The following BMS1 variants were observed in gnomAD, a reference collection of about 807,000 sequenced individuals.
The protein encoded by BMS1 is ribosome biogenesis protein BMS1 homolog.
Under a neutral mutation model 138.7 loss-of-function variants are expected in BMS1, and 53 were observed. The observed-to-expected ratio is 0.38, with a 90% CI of 0.31 to 0.48. The LOEUF (loss-of-function observed/expected upper bound fraction) is 0.48, where lower values mean the gene tolerates loss of function less well. Among genes scored for constraint, BMS1 ranks in the 20% least tolerant of loss-of-function variants. The pLI is 0.97. For missense variants in BMS1, 1,360 were observed against 1,565.5 expected, an observed-to-expected ratio of 0.87 and a Z score of 2.22; for synonymous variants, 504 against 539.9, an observed-to-expected ratio of 0.93 and a Z score of 0.92.
chr10:42,797,274 C>G, intron 10 of BMS1, 43 bp downstream of exon 10: 1 of 1,579,564 alleles, frequency 6.3e-7, no homozygotes, highest in Non-Finnish European at 8.6e-7. Context: ...ACTTGGCTCT[C>G]GAAATGGTAA....
Position 42,796,704 on chromosome 10 carries a change from A to G in BMS1, c.1460A>G (p.Lys487Arg). 6.2e-7 allele frequency: 1 copy of G among 1,614,200 alleles called. No homozygotes were observed. The highest frequency in any genetic ancestry group is 8.5e-7 in the Non-Finnish European group (1 of 1,180,036). Reference protein sequence around the residue: ...YMAVKGIKRRKLELEEDSEMD... With the variant: ...YMAVKGIKRRRLELEEDSEMD... ...GCTGTTAAGGGCATCAAACGACGGA[A>G]ACTTGAGTTGGAAGAAGACAGTGAA... Residue 487 changes from lysine (K) to arginine (R), a missense_variant, in exon 10 of 23, where the codon AAA becomes AGA. Lys to Arg is a conservative substitution (Grantham distance 26). Coordinates refer to ENST00000374518, the MANE Select transcript of BMS1 (RefSeq NM_014753.4).
intron 8 of BMS1, 49 bp downstream of exon 8, chr10:42,793,193 G>T: frequency 1.3e-6 from 2 of 1,501,032 alleles, no homozygotes; most frequent in Non-Finnish European, 1.8e-6. Flanking sequence ...TATTCTTTCT[G>T]AATCTATTTT....
chr10:42,794,029 T>G (rs764084217), intron 9 of BMS1, 38 bp downstream of exon 9: 3 of 1,599,328 alleles, frequency 1.9e-6, no homozygotes, highest in Non-Finnish European at 2.6e-6. Context: ...TAAAAAGATG[T>G]ATTACAAAAG....
rs768989153 is a variant in BMS1 at position 42,796,865 on chromosome 10, A to G, written c.1621A>G (p.Lys541Glu). The G allele has an allele frequency of 6.2e-7, 1 of 1,614,234 alleles. No individual in the cohort carries two copies. Among genetic ancestry groups the G allele is most frequent in the Non-Finnish European group, 8.5e-7 (1 of 1,180,050 alleles). The change falls in exon 10 of 23, where the codon AAG becomes GAG. Residue 541 changes from lysine to glutamate, a missense_variant. Physicochemically the swap from Lys to Glu is moderately conservative, Grantham distance 56 (BLOSUM62 1). This residue lies in a region of BMS1 where 697 missense variants were observed against 686.2 expected (regional missense o/e 1.02). Coordinates refer to ENST00000374518, the MANE Select transcript of BMS1 (RefSeq NM_014753.4). ...AGGAGAGAAGGGCATTTCAGGATCA[A>G]AGGCTGCTGGAGAAGGTAGTAAAGC... ...TAGEKGISGS[K>E]AAGEGSKAGL...
Position 42,831,085 on chromosome 10 carries a change from C to A in BMS1, c.3838C>A (p.Gln1280Lys). The A allele has an allele frequency of 6.4e-7, 1 of 1,563,856 alleles. No homozygotes were observed. Among genetic ancestry groups the A allele is most frequent in the Non-Finnish European group, 8.7e-7 (1 of 1,153,186 alleles). Residue 1280 changes from glutamine to lysine, a missense_variant, in exon 23 of 23, where the codon CAA becomes AAA. By Grantham distance (53) the Gln-to-Lys change is moderately conservative. This residue lies in a region of BMS1 where 425 missense variants were observed against 568.3 expected (regional missense o/e 0.75). Coordinates refer to ENST00000374518, the MANE Select transcript of BMS1 (RefSeq NM_014753.4). ...QKSSLKGAEG[Q>K]LQ ...GTCCAGTTTGAAGGGGGCTGAGGGC[C>A]AATTGCAGTGAGCCTTTGGACTGGA...
intron 13 of BMS1, among the ~76,000 whole-genome samples, chr10:42,808,609 ATT>A (rs566904325): frequency 4.3e-4 from 65 of 152,044 alleles, no homozygotes; most frequent in African/African-American, 1.5e-3. Context: ...AAAAGTTTTT[ATT>A]TTTGATGAAA....
intron 21 of BMS1, 76 bp from the exon 22 acceptor site, chr10:42,830,185 G>A (rs1302009382): frequency 1.9e-6 from 3 of 1,548,678 alleles, no homozygotes; most frequent in East Asian, 2.3e-5. Flanking sequence ...AACCCATTGA[G>A]AAGATTTTAT....
chr10:42,816,510 G>A (rs1336817214), intron 13 of BMS1, 89 bp from the exon 14 acceptor site: 11 of 1,040,086 alleles, frequency 1.1e-5, no homozygotes, highest in East Asian at 4.9e-5. Context: ...GGCTTGGAAC[G>A]CAGAGCACAC....
At chr10:42,808,439 C>T (rs1842075521) in intron 13 of BMS1, among the ~76,000 whole-genome samples, 1 of 151,754 alleles carries the variant, frequency 6.6e-6, no homozygotes, top group African/African-American at 2.4e-5. Flanking sequence ...GCTGGGACTA[C>T]AGGCGCCCAC....
At chr10:42,825,143 G>T (rs1357661645) in intron 21 of BMS1, among the ~76,000 whole-genome samples, 1 of 152,080 alleles carries the variant, frequency 6.6e-6, no homozygotes, top group Non-Finnish European at 1.5e-5. Context: ...CAAGTAGCTG[G>T]GACTACAGGC....
At chr10:42,809,367 TAG>T (rs1262815955) in intron 13 of BMS1, among the ~76,000 whole-genome samples, 1 of 152,092 alleles carries the variant, frequency 6.6e-6, no homozygotes, top group Non-Finnish European at 1.5e-5. Context: ...GTAGAAAACA[TAG>T]AGACAGTGTT....
chr10:42,811,058 T>C (rs1220982463), intron 13 of BMS1, among the ~76,000 whole-genome samples: 7 of 152,168 alleles, frequency 4.6e-5, no homozygotes, highest in Admixed American at 4.6e-4. Context: ...TATTTTTTTT[T>C]TGAGACTGAG....
In BMS1 at chr10:42,798,606, A is replaced by G. The variant is rs757577616; in HGVS notation, c.2228A>G (p.His743Arg). The G allele has an allele frequency of 6.2e-7, 1 of 1,614,248 alleles. No individual in the cohort carries two copies. The highest frequency in any genetic ancestry group is 8.5e-7 in the Non-Finnish European group (1 of 1,180,034). The change falls in exon 12 of 23, where the codon CAT becomes CGT. Residue 743 changes from histidine to arginine, a missense_variant. Physicochemically the swap from His to Arg is conservative, Grantham distance 29. Coordinates refer to ENST00000374518, the MANE Select transcript of BMS1 (RefSeq NM_014753.4). ...DCSRFLVEAP[H>R]DWDLEEVMNS... ...TCCAGATTTCTTGTGGAGGCCCCCC[A>G]TGACTGGGATTTAGAGGAGGTAAGT...
intron 21 of BMS1, 49 bp downstream of exon 21, chr10:42,823,833 C>T: frequency 1.5e-6 from 2 of 1,368,498 alleles, no homozygotes; most frequent in Non-Finnish European, 1.9e-6. Flanking sequence ...GCTCTACAGA[C>T]AGGGAGTCAC....
At position 42,787,164 on chromosome 10, in the gene BMS1, A is replaced by G. The variant is rs761740448; in HGVS notation, c.368-4A>G. ...AAGTAAAATTTTCATCTTTTCACTT[A>G]TAGGTAAAAAGCGCAGACTCACCAT... On this transcript the variant is annotated splice_polypyrimidine_tract_variant and splice_region_variant and intron_variant, in intron 3 of 22. Coordinates refer to ENST00000374518, the MANE Select transcript of BMS1 (RefSeq NM_014753.4). 9.6e-6 allele frequency: 10 copies of G among 1,039,130 alleles called. No homozygotes were observed. The South Asian group carries it at 1.3e-4, about 13-fold the overall frequency. The allele number at this position is 1,039,130 out of a possible 1,614,324, so 64.4% of individuals were successfully genotyped here.
At position 42,820,201 on chromosome 10, in the gene BMS1, A is replaced by G. The variant is rs749515962; in HGVS notation, c.2581-35A>G. ...TAATCTTATGTTTATTACAGATAAC[A>G]GCATACAGGTTTTTTTATTCCCCAT... On this transcript the variant is annotated intron_variant, in intron 15 of 22. Transcript: ENST00000374518. 4 of 1,602,690 alleles carry G rather than the reference A, an allele frequency of 2.5e-6. No homozygotes were observed. In the South Asian group the frequency reaches 4.4e-5, roughly 18 times the overall value.
chr10:42,795,242 A>G (rs1203931617), intron 9 of BMS1, among the ~76,000 whole-genome samples: 1 of 152,098 alleles, frequency 6.6e-6, no homozygotes, highest in South Asian at 2.1e-4. Flanking sequence ...ATGTGTCTTT[A>G]TAGCAGCATG....
Position 42,790,393 on chromosome 10 carries a change from T to C in BMS1, c.518T>C (p.Val173Ala), listed in dbSNP as rs1425626871. The stretch of plus-strand genomic sequence containing the variant: ...TTTGAGTTTCTAAACATCTGTCAAG[T>C]ACATGGCTTTCCTAAAATTATGGGA... ...ETFEFLNICQVHGFPKIMGVL... is the reference protein window; with the variant it reads ...ETFEFLNICQAHGFPKIMGVL... The change falls in exon 5 of 23, where the codon GTA becomes GCA. Residue 173 changes from valine (V) to alanine (A), a missense_variant. By Grantham distance (64) the Val-to-Ala change is moderately conservative. Transcript: ENST00000374518. 6.2e-7 allele frequency: 1 copy of C among 1,613,912 alleles called. No homozygotes were observed. Among genetic ancestry groups the C allele is most frequent in the Non-Finnish European group, 8.5e-7 (1 of 1,179,830 alleles).
At chr10:42,811,235 G>T (rs1466170211) in intron 13 of BMS1, among the ~76,000 whole-genome samples, 1 of 151,774 alleles carries the variant, frequency 6.6e-6, no homozygotes, top group Admixed American at 6.6e-5. Context: ...TAGAGACAGG[G>T]TTTCTCCCTG....
Sources: gnomAD v4.1 joint callset for allele counts (sites outside exome capture counted in the v4.1 genomes callset) on GRCh38, gnomAD v4.1.1 for gene constraint, gnomAD v4.1.1 regional missense constraint, MANE v1.5 for transcripts, NCBI Gene and HGNC (gene_info 2026-07-23, HGNC 2026-07-21) for gene names.